Variants in CNGB1 observed in about 807,000 individuals in gnomAD.
The protein encoded by CNGB1 is cyclic nucleotide gated channel subunit beta 1.
In CNGB1, 126 loss-of-function variants were observed where a neutral mutation model predicts 151.7. That is an observed-to-expected ratio of 0.83 (90% CI 0.72 to 0.96). The LOEUF is 0.96. Ranked by LOEUF, CNGB1 falls within the 40% of genes least tolerant of loss-of-function variation. CNGB1 has a pLI of 0.00. For missense variants in CNGB1, 1,698 were observed against 1,627.0 expected, an observed-to-expected ratio of 1.04 and a Z score of -0.75; for synonymous variants, 623 against 635.1, an observed-to-expected ratio of 0.98 and a Z score of 0.29.
In CNGB1 at chr16:57,912,938, G is replaced by T. The variant is rs367678786; in HGVS notation, c.2361C>A (p.Tyr787Ter). ...TGCAGGGGGAGTCTCACCTGTACAC[G>T]TAGGCTTTGCTGAGGATGGATTCCA... ...SRLESILSKA[Y>*]VYRVIRTTAY... Residue 787 changes from tyrosine (Y) to a stop codon, truncating the protein, a stop_gained, in exon 24 of 33, where the codon TAC (tyrosine) becomes TAA (stop). Transcript: ENST00000251102. LOFTEE classifies it high-confidence loss of function. The T allele has an allele frequency of 1.2e-6, 2 of 1,613,702 alleles. No individual in the cohort carries two copies. The highest frequency in any genetic ancestry group is 4.5e-5 in the East Asian group (2 of 44,880).
rs772330738 is a variant in CNGB1, at chr16:57,904,785, CT to C, written c.2582del (p.Gln861ArgfsTer3). ...DPKTLFEIVFQLLNYFTGVFA... is the reference protein window; with the variant it reads ...DPKTLFEIVFXLLNYFTGVFA... ...AGACGCCCGTGAAATAATTCAGCAGCTGGAAGACAATTTCAAAGAGTGTCTT... is the reference window on the plus strand; with the variant it reads ...AGACGCCCGTGAAATAATTCAGCAGCGGAAGACAATTTCAAAGAGTGTCTT... On this transcript the variant is annotated frameshift_variant, in exon 26 of 33. Coordinates refer to ENST00000251102, the MANE Select transcript of CNGB1 (RefSeq NM_001297.5). LOFTEE classifies it high-confidence loss of function. 1.2e-6 allele frequency: 2 copies of C among 1,614,178 alleles called. No homozygotes were observed. The highest frequency in any genetic ancestry group is 8.5e-7 in the Non-Finnish European group (1 of 1,180,044).
At chr16:57,900,921 A>C (rs74659209) in intron 29 of CNGB1, among the ~76,000 whole-genome samples, 3,165 of 151,752 alleles carry the variant, frequency 0.021, 58 homozygotes, top group African/African-American at 0.05. Flanking sequence ...CCAGTTTGCA[A>C]CCTCTGACCT....
At chr16:57,964,095 G>C in intron 4 of CNGB1, 35 bp downstream of exon 4, 2 of 1,605,720 alleles carry the variant, frequency 1.2e-6, no homozygotes, top group Non-Finnish European at 1.7e-6. Context: ...TGGGAGGCGG[G>C]CTGGCCCTGA....
At chr16:57,891,951 C>T (rs1053530897) in intron 31 of CNGB1, among the ~76,000 whole-genome samples, 3 of 151,870 alleles carry the variant, frequency 2.0e-5, no homozygotes, top group Non-Finnish European at 4.4e-5. Flanking sequence ...TTATCTAACA[C>T]ATATTTTCTG....
chr16:57,931,663 AT>A, intron 17 of CNGB1, 52 bp downstream of exon 17: 1 of 1,598,524 alleles, frequency 6.3e-7, no homozygotes, highest in Non-Finnish European at 8.6e-7. Context: ...CATCTGCCAA[AT>A]AAACAGGTGG....
chr16:57,924,085 G>T (rs981253333), intron 17 of CNGB1, among the ~76,000 whole-genome samples: 4 of 152,152 alleles, frequency 2.6e-5, no homozygotes, highest in African/African-American at 9.7e-5. Context: ...AGACAAGAAG[G>T]TTCTTGCCCA....
At chr16:57,886,469 A>C (rs1475022722) in intron 32 of CNGB1, among the ~76,000 whole-genome samples, 2 of 152,102 alleles carry the variant, frequency 1.3e-5, no homozygotes, top group African/African-American at 4.8e-5. Flanking sequence ...CCAGGCAATC[A>C]CATCTTTCCT....
At chr16:57,904,906 C>A in intron 25 of CNGB1, 31 bp from the exon 26 acceptor site, 1 of 1,613,920 alleles carries the variant, frequency 6.2e-7, no homozygotes, top group South Asian at 1.1e-5. Flanking sequence ...GAACATGGGT[C>A]ATCACAGGCC....
At chr16:57,919,056 C>G (rs1249438617) in intron 20 of CNGB1, 43 bp downstream of exon 20, 2 of 1,613,944 alleles carry the variant, frequency 1.2e-6, no homozygotes, top group African/African-American at 2.7e-5. Flanking sequence ...CTCTCCTGCT[C>G]TCTCATCTTA....
chr16:57,884,355 G>A lies in CNGB1; in HGVS notation c.3565C>T (p.Pro1189Ser), dbSNP rs1463247590. Residue 1189 changes from proline to serine, a missense_variant, in exon 33 of 33, where the codon CCC (proline) becomes TCC (serine). Physicochemically the swap from Pro to Ser is moderately conservative, Grantham distance 74. Coordinates refer to ENST00000251102, the MANE Select transcript of CNGB1 (RefSeq NM_001297.5). Reference protein sequence around the residue: ...AATDPPAPRTPPEPPGSPPSS... With the variant: ...AATDPPAPRTSPEPPGSPPSS... ...GGTGGAGACCCCGGGGGCTCGGGGG[G>A]CGTCCGGGGCGCGGGTGGGTCGGTG... is the stretch of plus-strand genomic sequence containing the variant. 6 of 1,610,266 alleles carry A rather than the reference G, an allele frequency of 3.7e-6. No homozygotes were observed. The highest frequency in any genetic ancestry group is 1.3e-5 in the African/African-American group (1 of 74,660).
intron 25 of CNGB1, among the ~76,000 whole-genome samples, chr16:57,910,532 C>A (rs1467317373): frequency 6.6e-6 from 1 of 152,072 alleles, no homozygotes; most frequent in Non-Finnish European, 1.5e-5. Context: ...TGCCACCATG[C>A]CTGGCTAATT....
At chr16:57,943,956 C>T (rs1961736876) in intron 14 of CNGB1, among the ~76,000 whole-genome samples, 1 of 151,836 alleles carries the variant, frequency 6.6e-6, no homozygotes. Context: ...GACGCGATCT[C>T]AGCTCACTGC....
chr16:57,958,367 C>T (rs1962144530), intron 11 of CNGB1, 43 bp downstream of exon 11: 2 of 1,308,362 alleles, frequency 1.5e-6, no homozygotes, highest in East Asian at 5.2e-5. Flanking sequence ...CAAGACCCCT[C>T]CCACCACCAC....
intron 31 of CNGB1, among the ~76,000 whole-genome samples, chr16:57,889,832 G>A (rs375831487): frequency 2.0e-5 from 3 of 152,038 alleles, no homozygotes; most frequent in African/African-American, 7.2e-5. Context: ...ATTACAAAAC[G>A]ACATTGCATC....
chr16:57,895,481 A>C (rs1960197621), intron 31 of CNGB1, among the ~76,000 whole-genome samples: 1 of 151,184 alleles, frequency 6.6e-6, no homozygotes, highest in Non-Finnish European at 1.5e-5. Flanking sequence ...AGAAAAATTT[A>C]AGTTGGCATA....
Position 57,884,039 on chromosome 16 carries a change from T to C in CNGB1, c.*125A>G. On this transcript the variant is annotated 3_prime_UTR_variant, in exon 33 of 33. Coordinates refer to ENST00000251102, the MANE Select transcript of CNGB1 (RefSeq NM_001297.5). The stretch of plus-strand genomic sequence containing the variant: ...ACGGTCAGAGCTGCAGCCACTGAGG[T>C]CACGACTACGGAAAAGCATCTTCTC... 1 of 1,412,242 alleles carries C rather than the reference T, an allele frequency of 7.1e-7. No individual in the cohort carries two copies. Among genetic ancestry groups the C allele is most frequent in the Non-Finnish European group, 9.9e-7 (1 of 1,005,664 alleles). The allele number at this position is 1,412,242 out of a possible 1,614,324, so 87.5% of individuals were successfully genotyped here. A position where few individuals can be genotyped will look rare whatever the true frequency, so the allele number is the denominator to read the frequency against.
In CNGB1 at chr16:57,923,258, C is replaced by A; in HGVS notation, c.1643+15G>T. On this transcript the variant is annotated intron_variant, in intron 18 of 32. Transcript: ENST00000251102. Reference sequence around the variant, plus strand: ...CGCAGTCTTTCAATTTTCTGAGACCCCAGAGGGGTCTCACTCAGTGTCCTT... The same window carrying A: ...CGCAGTCTTTCAATTTTCTGAGACCACAGAGGGGTCTCACTCAGTGTCCTT... 1.3e-6 allele frequency: 2 copies of A among 1,593,860 alleles called. No homozygotes were observed. Among genetic ancestry groups the A allele is most frequent in the Non-Finnish European group, 1.7e-6 (2 of 1,165,374 alleles).
chr16:57,899,311 G>A (rs1960319717), intron 29 of CNGB1, among the ~76,000 whole-genome samples: 1 of 150,532 alleles, frequency 6.6e-6, no homozygotes, highest in African/African-American at 2.5e-5. Flanking sequence ...AAGGGGAAGA[G>A]GAGGTCTACA....
chr16:57,901,260 C>T (rs1960377503), intron 29 of CNGB1, 92 bp downstream of exon 29: 7 of 1,229,350 alleles, frequency 5.7e-6, no homozygotes, highest in African/African-American at 1.5e-5. Flanking sequence ...CTCGCTCTGC[C>T]CTGGGCTGGC....
Sources: gnomAD v4.1 joint callset for allele counts (sites outside exome capture counted in the v4.1 genomes callset) on GRCh38, gnomAD v4.1.1 for gene constraint, MANE v1.5 for transcripts, NCBI Gene and HGNC (gene_info 2026-07-23, HGNC 2026-07-21) for gene names.